TIMD4: variants seen among roughly 807,000 people sequenced by gnomAD.
The protein encoded by TIMD4 is T-cell immunoglobulin and mucin domain-containing protein 4.
Under a neutral mutation model 41.2 loss-of-function variants are expected in TIMD4, and 31 were observed. That is an observed-to-expected ratio of 0.75 (90% CI 0.57 to 1.01). The LOEUF (loss-of-function observed/expected upper bound fraction) is 1.01. Among genes scored for constraint, TIMD4 ranks in the 50% least tolerant of loss-of-function variants. TIMD4 has a pLI of 0.00. For synonymous variants in TIMD4, 204 were observed against 177.1 expected (o/e 1.15, Z -1.21); for missense variants, 479 against 472.5 (o/e 1.01, Z -0.13).
At chr5:156,960,170 C>T (rs1760053369) in intron 1 of TIMD4, among the ~76,000 whole-genome samples, 1 of 152,064 alleles carries the variant, frequency 6.6e-6, no homozygotes. Context: ...GAAAATTCCC[C>T]TCAACCAGTG....
intron 5 of TIMD4, among the ~76,000 whole-genome samples, chr5:156,939,976 C>T (rs1231384954): frequency 6.6e-6 from 1 of 152,366 alleles, no homozygotes. Context: ...CCGTCGTCTC[C>T]GTCTCCCGCT....
At chr5:156,947,163 A>G (rs1383224175) in intron 5 of TIMD4, among the ~76,000 whole-genome samples, 1 of 152,026 alleles carries the variant, frequency 6.6e-6, no homozygotes, top group Non-Finnish European at 1.5e-5. Context: ...GCACCACTGC[A>G]CTCCAACTTG....
At chr5:156,920,957 G>T (rs1279108436) in intron 7 of TIMD4, among the ~76,000 whole-genome samples, 1 of 152,124 alleles carries the variant, frequency 6.6e-6, no homozygotes, top group African/African-American at 2.4e-5. Context: ...CAGCTGAGAT[G>T]GTTACTAGTC....
intron 6 of TIMD4, 149 bp from the exon 7 acceptor site, chr5:156,922,365 A>C: frequency 2.7e-6 from 2 of 731,594 alleles, no homozygotes; most frequent in Non-Finnish European, 4.7e-6. Flanking sequence ...AACCCAAAAC[A>C]CGTGACCCAT....
intron 1 of TIMD4, among the ~76,000 whole-genome samples, chr5:156,961,807 T>TTAAAAA (rs1235397483): frequency 5.1e-4 from 1 of 1,952 alleles, no homozygotes; most frequent in Non-Finnish European, 1.5e-3. Flanking sequence ...AGACTCCGTC[T>TTAAAAA]CAAAAAAAAA....
At chr5:156,950,874 T>G (rs1380632768) in intron 3 of TIMD4, among the ~76,000 whole-genome samples, 1 of 151,910 alleles carries the variant, frequency 6.6e-6, no homozygotes, top group Non-Finnish European at 1.5e-5. Context: ...TCAATAAACA[T>G]CTCTTGCAAG....
intron 5 of TIMD4, among the ~76,000 whole-genome samples, chr5:156,943,739 C>G: frequency 6.6e-6 from 1 of 152,084 alleles, no homozygotes; most frequent in East Asian, 1.9e-4. Context: ...TCACACATTC[C>G]TGCTACCAAG....
At chr5:156,921,886 A>T (rs1759248534) in intron 7 of TIMD4, among the ~76,000 whole-genome samples, 1 of 152,170 alleles carries the variant, frequency 6.6e-6, no homozygotes, top group South Asian at 2.1e-4. Context: ...TTCCTTTTCC[A>T]AAACGTAAAC....
chr5:156,938,957 T>C (rs1287945998), intron 5 of TIMD4, among the ~76,000 whole-genome samples: 1 of 152,198 alleles, frequency 6.6e-6, no homozygotes, highest in Non-Finnish European at 1.5e-5. Flanking sequence ...GGTGTCTTCC[T>C]GTCTAGCTCC....
At chr5:156,958,243 G>A (rs1210170945) in intron 1 of TIMD4, among the ~76,000 whole-genome samples, 2 of 151,624 alleles carry the variant, frequency 1.3e-5, no homozygotes, top group Non-Finnish European at 2.9e-5. Context: ...TTGCACTCCA[G>A]CCTCGGCAGG....
chr5:156,953,022 G>A (rs1759892363), intron 2 of TIMD4, among the ~76,000 whole-genome samples: 1 of 152,188 alleles, frequency 6.6e-6, no homozygotes. Flanking sequence ...TTATTCGACA[G>A]ATCTCATCCT....
chr5:156,949,974 T>C (rs1277447054), intron 3 of TIMD4, among the ~76,000 whole-genome samples: 2 of 152,220 alleles, frequency 1.3e-5, no homozygotes, highest in East Asian at 3.9e-4. Context: ...CCCGCCACCA[T>C]GCCTGGCTAA....
intron 5 of TIMD4, among the ~76,000 whole-genome samples, chr5:156,930,437 C>G (rs1192984694): frequency 2.0e-5 from 3 of 152,162 alleles, no homozygotes; most frequent in Non-Finnish European, 4.4e-5. Flanking sequence ...CTGTTAACAA[C>G]CTCATTATGC....
chr5:156,960,209 A>AG (rs1473140066), intron 1 of TIMD4, among the ~76,000 whole-genome samples: 7 of 152,128 alleles, frequency 4.6e-5, no homozygotes, highest in African/African-American at 1.7e-4. Context: ...ATGTAGACAT[A>AG]GACCCCTGCA....
At chr5:156,940,113 G>C (rs1373683609) in intron 5 of TIMD4, among the ~76,000 whole-genome samples, 6 of 152,240 alleles carry the variant, frequency 3.9e-5, no homozygotes, top group Admixed American at 2.6e-4. Context: ...CGTGCCGCCA[G>C]GCCTGACTGG....
rs1759815238 is a variant in TIMD4, at chr5:156,949,639, GTGTC to G, written c.760+8_760+11del. On this transcript the variant is annotated splice_region_variant and intron_variant, in intron 4 of 8. Transcript: ENST00000274532. ...GGGTGAGGGAGGACAGAGAGAGTGA[GTGTC>G]TGCACACCTTTGGATGTCAGCAGGA... 1 of 1,602,042 alleles carries G rather than the reference GTGTC, an allele frequency of 6.2e-7. No individual in the cohort carries two copies. Among genetic ancestry groups the G allele is most frequent in the Non-Finnish European group, 8.6e-7 (1 of 1,169,192 alleles).
At chr5:156,952,670 T>G (rs1238163340) in intron 2 of TIMD4, among the ~76,000 whole-genome samples, 1 of 152,258 alleles carries the variant, frequency 6.6e-6, no homozygotes. Context: ...CTTTATTATA[T>G]GCTCTCATAG....
chr5:156,920,036 A>G (rs1474694663), intron 8 of TIMD4, among the ~76,000 whole-genome samples: 2 of 152,214 alleles, frequency 1.3e-5, no homozygotes, highest in African/African-American at 4.8e-5. Flanking sequence ...CCCCAAAACA[A>G]GCTGCTTCCA....
chr5:156,935,227 G>T (rs982799187), intron 5 of TIMD4, among the ~76,000 whole-genome samples: 14 of 151,834 alleles, frequency 9.2e-5, no homozygotes, highest in Non-Finnish European at 2.1e-4. Flanking sequence ...AATCTAGAGA[G>T]AAAAGTTCAT....
Sources: allele counts gnomAD v4.1 joint callset (sites outside exome capture counted in the v4.1 genomes callset), GRCh38; gene constraint gnomAD v4.1.1; transcripts MANE v1.5; gene names NCBI Gene and HGNC (gene_info 2026-07-23, HGNC 2026-07-21).